MYLK4: variants seen among roughly 807,000 people sequenced by gnomAD.
The protein encoded by MYLK4 is myosin light chain kinase family member 4.
In MYLK4, 46 loss-of-function variants were observed where a neutral mutation model predicts 48.1. That is an observed-to-expected ratio of 0.96 (90% CI 0.75 to 1.22). The LOEUF (loss-of-function observed/expected upper bound fraction) is 1.22, where lower values mean the gene tolerates loss of function less well. Among genes scored for constraint, MYLK4 ranks in the 50% most tolerant of loss-of-function variants. The pLI, the probability that MYLK4 is intolerant of heterozygous loss-of-function variation, is 0.00. For missense variants in MYLK4, 451 were observed against 486.1 expected (o/e 0.93, Z 0.68); for synonymous variants, 170 against 180.8 (o/e 0.94, Z 0.48).
the MYLK4 span, among the ~76,000 whole-genome samples, chr6:2,758,986 C>A: frequency 6.6e-6 from 1 of 152,228 alleles, no homozygotes; most frequent in East Asian, 1.9e-4. Flanking sequence ...CTCCCACCAG[C>A]ACTATAAGAA....
chr6:2,703,554 C>T (rs1388918891), intron 2 of MYLK4, among the ~76,000 whole-genome samples: 1 of 151,834 alleles, frequency 6.6e-6, no homozygotes, highest in African/African-American at 2.4e-5. Flanking sequence ...TTTTCATGAG[C>T]TCTGGGAGTG....
rs1351689188 is a variant in MYLK4, at chr6:2,685,852, C to G, written c.342-276G>C. Among the ~76,000 whole-genome samples, 2 of 152,016 alleles carry G rather than the reference C, an allele frequency of 1.3e-5. No homozygotes were observed. The highest frequency in any genetic ancestry group is 2.9e-5 in the Non-Finnish European group (2 of 67,994). ...TTGGGAGGCCGAGGCGGGAGGATCA[C>G]GAGGTCAGGACCAGTCTGGCCAACA... is the stretch of plus-strand genomic sequence containing the variant. On this transcript the variant is annotated intron_variant, in intron 4 of 12. Coordinates refer to ENST00000274643, the MANE Select transcript of MYLK4 (RefSeq NM_001012418.5). The surrounding 1 kb of genome is among the most constrained non-coding windows in gnomAD (Gnocchi z 4.5).
In MYLK4 at chr6:2,678,308, A is replaced by T; in HGVS notation, c.952T>A (p.Cys318Ser). The change falls in exon 10 of 13, where the codon TGC (cysteine) becomes AGC (serine). Residue 318 changes from cysteine to serine, a missense_variant. Coordinates refer to ENST00000274643, the MANE Select transcript of MYLK4 (RefSeq NM_001012418.5). ...TCTTCATCCTCTAAGTCCCACCTGC[A>T]GGCCAGGATGTTGTTCAGCGTCTCA... ...DAETLNNILA[C>S]RWDLEDEEFQ... 6.2e-7 allele frequency: 1 copy of T among 1,614,000 alleles called. No individual in the cohort carries two copies. The highest frequency in any genetic ancestry group is 8.5e-7 in the Non-Finnish European group (1 of 1,179,972).
At chr6:2,690,262 C>A (rs6925987) in intron 3 of MYLK4, among the ~76,000 whole-genome samples, 1 of 152,172 alleles carries the variant, frequency 6.6e-6, no homozygotes, top group Non-Finnish European at 1.5e-5. Context: ...GTGTGTTCTT[C>A]CCCTGTGCCG....
At chr6:2,693,531 A>G (rs1761894833) in intron 2 of MYLK4, among the ~76,000 whole-genome samples, 1 of 152,202 alleles carries the variant, frequency 6.6e-6, no homozygotes, top group Non-Finnish European at 1.5e-5. Flanking sequence ...AGTTGAGCAA[A>G]CCGTTAGCTA....
Position 2,664,997 on chromosome 6 carries a change from A to AGTG in MYLK4, c.*2925_*2927dup, listed in dbSNP as rs1341677112. The AGTG allele has an allele frequency of 6.6e-6, 1 of 152,218 alleles. No homozygotes were observed. Among genetic ancestry groups the AGTG allele is most frequent in the Non-Finnish European group, 1.5e-5 (1 of 68,040 alleles). The allele number at this position is 152,218 out of a possible 1,614,324, so 9.4% of individuals were successfully genotyped here. On this transcript the variant is annotated 3_prime_UTR_variant, in exon 13 of 13. Coordinates refer to ENST00000274643, the MANE Select transcript of MYLK4 (RefSeq NM_001012418.5). ...TTGCGAGGTTTATTTCTCTCCAGGC[A>AGTG]GTGGGAAGTGCTACATCGGTGCTTA...
chr6:2,694,578 C>CGGCGGTGGCAGTAG (rs1554128079), intron 2 of MYLK4, among the ~76,000 whole-genome samples: 2 of 46,168 alleles, frequency 4.3e-5, no homozygotes, highest in Non-Finnish European at 9.0e-5. Flanking sequence ...GGTAGTGCTG[C>CGGCGGTGGCAGTAG]TGGTGGTGGT....
At chr6:2,734,686 TG>T (rs1763606100) in intron 2 of MYLK4, among the ~76,000 whole-genome samples, 1 of 152,212 alleles carries the variant, frequency 6.6e-6, no homozygotes, top group Non-Finnish European at 1.5e-5. Flanking sequence ...TGTATTTAAA[TG>T]TAATATGCAT....
At chr6:2,725,148 C>T (rs1374987456) in intron 2 of MYLK4, among the ~76,000 whole-genome samples, 2 of 151,976 alleles carry the variant, frequency 1.3e-5, no homozygotes, top group Non-Finnish European at 2.9e-5. Context: ...GAGACTCTGC[C>T]TCAAAAACAA....
chr6:2,749,260 G>A lies in MYLK4; in HGVS notation c.35C>T (p.Thr12Met), dbSNP rs771330368. The A allele has an allele frequency of 3.7e-6, 6 of 1,613,938 alleles. No individual in the cohort carries two copies. The highest frequency in any genetic ancestry group is 1.3e-5 in the African/African-American group (1 of 75,016). ...LKVKRLEEFN[T>M]CYNSNQLEKM... Reference sequence around the variant, plus strand: ...CTCCAGCTGGTTGCTGTTATAACACGTGTTGAATTCTTCCAGCCTCTTCAC... The same window carrying A: ...CTCCAGCTGGTTGCTGTTATAACACATGTTGAATTCTTCCAGCCTCTTCAC... Residue 12 changes from threonine to methionine, a missense_variant, in exon 2 of 13, where the codon ACG becomes ATG. By Grantham distance (81) the Thr-to-Met change is moderately conservative. Coordinates refer to ENST00000274643, the MANE Select transcript of MYLK4 (RefSeq NM_001012418.5).
intron 2 of MYLK4, among the ~76,000 whole-genome samples, chr6:2,698,973 G>GT (rs1762171646): frequency 6.6e-6 from 1 of 152,228 alleles, no homozygotes; most frequent in Non-Finnish European, 1.5e-5. Context: ...TCAGAACTCA[G>GT]TAAGTGGATC....
chr6:2,768,706 A>T, the MYLK4 span: 1 of 1,611,746 alleles, frequency 6.2e-7, no homozygotes, highest in Admixed American at 1.7e-5. Context: ...TCTGGCTCAC[A>T]TCATAGCCAG....
At chr6:2,766,029 G>A in the MYLK4 span, 1 of 1,317,716 alleles carries the variant, frequency 7.6e-7, no homozygotes, top group African/African-American at 1.5e-5. Context: ...AGCCCCGGGA[G>A]GAAGGGGTCG....
At chr6:2,762,485 T>G in the MYLK4 span, among the ~76,000 whole-genome samples, 1 of 152,222 alleles carries the variant, frequency 6.6e-6, no homozygotes, top group Non-Finnish European at 1.5e-5. Context: ...TTGGATGGGT[T>G]AATTGATCAT....
rs570909514 is a variant in MYLK4 at position 2,743,892 on chromosome 6, C to G, written c.159+5244G>C. 112 of 398,626 alleles carry G rather than the reference C, an allele frequency of 2.8e-4. No homozygotes were observed. In the South Asian group the frequency reaches 3.1e-3, roughly 11 times the overall value. The allele number at this position is 398,626 out of a possible 1,614,324, so 24.7% of individuals were successfully genotyped here. On this transcript the variant is annotated intron_variant, in intron 2 of 12. Transcript: ENST00000274643. ...TCTGTCTTAGATAAAGGTGATTTTA[C>G]TACCTGCACGTCCTCAAGAGCAGGA...
At chr6:2,697,548 T>A (rs1439326684) in intron 2 of MYLK4, among the ~76,000 whole-genome samples, 1 of 152,246 alleles carries the variant, frequency 6.6e-6, no homozygotes, top group Non-Finnish European at 1.5e-5. Context: ...GTCACAGACC[T>A]GTCCCAGTAC....
At chr6:2,766,229 A>C in the MYLK4 span, 2 of 1,459,756 alleles carry the variant, frequency 1.4e-6, no homozygotes, top group Non-Finnish European at 1.8e-6. Flanking sequence ...CTTCGGGGCC[A>C]GTGGCGGGGG....
intron 2 of MYLK4, among the ~76,000 whole-genome samples, chr6:2,738,833 G>C (rs1763791672): frequency 6.6e-6 from 1 of 152,150 alleles, no homozygotes; most frequent in African/African-American, 2.4e-5. Context: ...TATAACAGTA[G>C]ATACATGTTA....
intron 2 of MYLK4, among the ~76,000 whole-genome samples, chr6:2,741,434 TTACTC>T (rs1210966895): frequency 2.0e-5 from 3 of 152,336 alleles, no homozygotes; most frequent in East Asian, 3.9e-4. Context: ...ATAATTTTAA[TTACTC>T]TAAGAAGCTG....
Sources: allele counts gnomAD v4.1 joint callset (sites outside exome capture counted in the v4.1 genomes callset), GRCh38; gene constraint gnomAD v4.1.1; non-coding constraint Gnocchi (gnomAD v3.1); transcripts MANE v1.5; gene names NCBI Gene and HGNC (gene_info 2026-07-23, HGNC 2026-07-21).